Variants in KIF15 observed in about 807,000 individuals in gnomAD.
KIF15 encodes kinesin family member 15, also known as kinesin-like protein KIF15.
KIF15 carries 140 observed loss-of-function variants against 190.6 expected under a neutral mutation model. The observed-to-expected ratio is 0.73, with a 90% CI of 0.64 to 0.84. KIF15 has a LOEUF of 0.84. KIF15 is among the 40% of genes least tolerant of loss of function. The pLI is 0.00. For synonymous variants in KIF15, 528 were observed against 551.3 expected (o/e 0.96, Z 0.59); for missense variants, 1,372 against 1,584.4 (o/e 0.87, Z 2.28).
At chr3:44,856,471 C>T (rs1699189988), downstream of KIF15, among the ~76,000 whole-genome samples, 2 of 151,988 alleles carry the variant, frequency 1.3e-5, no homozygotes, top group African/African-American at 4.8e-5. Context: ...TATGAAATGA[C>T]GATAGAATAG....
intron 1 of KIF15, among the ~76,000 whole-genome samples, chr3:44,767,160 A>C (rs1705431199): frequency 1.3e-5 from 2 of 152,222 alleles, no homozygotes; most frequent in Middle Eastern, 3.4e-3. Flanking sequence ...GGGTCAGTGG[A>C]ATTCCTCATA....
chr3:44,823,060 C>A (rs1345937152), intron 20 of KIF15, among the ~76,000 whole-genome samples: 3 of 152,310 alleles, frequency 2.0e-5, no homozygotes, highest in African/African-American at 7.2e-5. Flanking sequence ...TGGTGAGGAG[C>A]TACAATCCTT....
In KIF15 at chr3:44,797,711, G is replaced by A. The variant is rs1255931373; in HGVS notation, c.975+35G>A. 6.2e-7 allele frequency: 1 copy of A among 1,610,274 alleles called. No individual in the cohort carries two copies. Among genetic ancestry groups the A allele is most frequent in the Non-Finnish European group, 8.5e-7 (1 of 1,177,976 alleles). On this transcript the variant is annotated intron_variant, in intron 9 of 34. Transcript: ENST00000326047. ...ATCCTTGGGTTCCTGGGCTCCTTTT[G>A]GTTATGCTAAAGTTGATAGTGGGAC...
intron 11 of KIF15, 141 bp downstream of exon 11, chr3:44,800,578 A>G: frequency 1.3e-6 from 1 of 770,994 alleles, no homozygotes; most frequent in Non-Finnish European, 2.1e-6. Context: ...CCTATATAGG[A>G]ACATAGTGGT....
At chr3:44,828,102 C>T (rs1355977276) in intron 23 of KIF15, 112 bp from the exon 24 acceptor site, 14 of 693,978 alleles carry the variant, frequency 2.0e-5, no homozygotes, top group East Asian at 5.5e-5. Context: ...TCAAGTATTA[C>T]TCCTAGCATA....
At position 44,820,265 on chromosome 3, in the gene KIF15, T is replaced by A. The variant is rs548073338; in HGVS notation, c.2549+5189T>A. Among the ~76,000 whole-genome samples, 540 of 152,262 alleles carry A rather than the reference T, an allele frequency of 3.5e-3. 1 individual carries two copies. The highest frequency in any genetic ancestry group is 0.013 in the African/African-American group (526 of 41,552). On this transcript the variant is annotated intron_variant, in intron 20 of 34. Coordinates refer to ENST00000326047, the MANE Select transcript of KIF15 (RefSeq NM_020242.3). ...CATTTAAGGTTAATATTGTTATGTGTGAATTTGATCCTGTCATTATGATGT... is the reference window on the plus strand; with the variant it reads ...CATTTAAGGTTAATATTGTTATGTGAGAATTTGATCCTGTCATTATGATGT...
chr3:44,777,118 C>T (rs1705927516), intron 3 of KIF15, among the ~76,000 whole-genome samples: 1 of 150,420 alleles, frequency 6.6e-6, no homozygotes, highest in African/African-American at 2.4e-5. Context: ...CTATGCTTGG[C>T]TAATTTTTTT....
rs1300180993 is a variant in KIF15 at position 44,797,580 on chromosome 3, C to T, written c.879C>T (p.Ser293=). ...KEAGNINRSL[S]CLGQVITALV... ...CAGGTAACATAAATCGATCATTGAG[C>T]TGCCTGGGCCAAGTGATTACAGCAC... The change falls in exon 9 of 35, where the codon AGC becomes AGT. Residue 293 remains serine, a synonymous_variant. Transcript: ENST00000326047. 2 of 1,614,056 alleles carry T rather than the reference C, an allele frequency of 1.2e-6. No homozygotes were observed. Among genetic ancestry groups the T allele is most frequent in the South Asian group, 2.2e-5 (2 of 91,074 alleles).
At chr3:44,768,528 C>G (rs1381778843) in intron 1 of KIF15, among the ~76,000 whole-genome samples, 1 of 148,642 alleles carries the variant, frequency 6.7e-6, no homozygotes, top group Non-Finnish European at 1.5e-5. Flanking sequence ...TCTCCCAGGG[C>G]GCATGTGGGC....
Position 44,826,416 on chromosome 3 carries a change from C to A in KIF15, c.2742C>A (p.Asn914Lys). ...ELLEAEKERN[N>K]KLSLQFEEDK... ...TTGAGGCAGAAAAAGAACGCAATAA[C>A]AAATTATCATTACAGTTTGAAGAAG... Residue 914 changes from asparagine (N) to lysine (K), a missense_variant, in exon 22 of 35, where the codon AAC becomes AAA. Asn to Lys is a moderately conservative substitution (Grantham distance 94, BLOSUM62 0). Coordinates refer to ENST00000326047, the MANE Select transcript of KIF15 (RefSeq NM_020242.3). The A allele has an allele frequency of 3.1e-6, 5 of 1,612,982 alleles. No individual in the cohort carries two copies. Among genetic ancestry groups the A allele is most frequent in the Non-Finnish European group, 4.2e-6 (5 of 1,179,470 alleles).
At chr3:44,762,094 A>G (rs1056806868) in intron 1 of KIF15, among the ~76,000 whole-genome samples, 21 of 152,200 alleles carry the variant, frequency 1.4e-4, no homozygotes, top group Admixed American at 1.4e-3. Flanking sequence ...TCCTGTGCGC[A>G]TGCCAGGAGT....
At chr3:44,861,964 G>A in intron 6 of KIF15, 1 of 1,399,812 alleles carries the variant, frequency 7.1e-7, no homozygotes, top group South Asian at 1.6e-5. Context: ...CGCCGTGTCC[G>A]CGACCGCGTA....
rs1055575064 is a variant in KIF15 at position 44,805,116 on chromosome 3, A to G, written c.1777A>G (p.Thr593Ala). ...AAAAGCACAACTCCTGCAAATTCAG[A>G]CAGAGCTGAATAATTCAAAGCAAGA... ...KLKAQLLQIQ[T>A]ELNNSKQEYE... The change falls in exon 15 of 35, where the codon ACA becomes GCA. Residue 593 changes from threonine (T) to alanine (A), a missense_variant. Thr to Ala is a moderately conservative substitution (Grantham distance 58). Transcript: ENST00000326047. 5 of 1,613,758 alleles carry G rather than the reference A, an allele frequency of 3.1e-6. No homozygotes were observed. Among genetic ancestry groups the G allele is most frequent in the Non-Finnish European group, 4.2e-6 (5 of 1,179,728 alleles).
chr3:44,830,217 G>A, intron 25 of KIF15, 142 bp downstream of exon 25: 2 of 447,020 alleles, frequency 4.5e-6, no homozygotes, highest in South Asian at 5.7e-5. Context: ...AGCTCAACAG[G>A]TTTGTGTGTT....
intron 6 of KIF15, 25 bp from the exon 7 acceptor site, chr3:44,786,370 T>C (rs747744412): frequency 1.9e-6 from 3 of 1,581,302 alleles, no homozygotes; most frequent in Non-Finnish European, 2.6e-6. Flanking sequence ...AAATAATGTA[T>C]CTAAATGAGG....
chr3:44,783,313 A>G (rs1706252610), intron 5 of KIF15, among the ~76,000 whole-genome samples: 1 of 152,186 alleles, frequency 6.6e-6, no homozygotes, highest in South Asian at 2.1e-4. Context: ...GGCAGAAGAC[A>G]AAGGGGAATG....
At chr3:44,837,939 C>G (rs748602235) in intron 26 of KIF15, among the ~76,000 whole-genome samples, 3 of 152,132 alleles carry the variant, frequency 2.0e-5, no homozygotes, top group Non-Finnish European at 4.4e-5. Flanking sequence ...GAGACAACAA[C>G]AAGTAACCAA....
chr3:44,786,337 G>A, intron 6 of KIF15, 58 bp from the exon 7 acceptor site: 2 of 1,411,218 alleles, frequency 1.4e-6, no homozygotes, highest in Non-Finnish European at 1.9e-6. Context: ...TAATGCTCAT[G>A]AAAACTAGGT....
chr3:44,783,039 G>A (rs1269283533), intron 5 of KIF15, among the ~76,000 whole-genome samples: 1 of 152,152 alleles, frequency 6.6e-6, no homozygotes, highest in Non-Finnish European at 1.5e-5. Flanking sequence ...GATTACTCAG[G>A]CAGCTAAATG....
Sources: gnomAD v4.1 joint callset for allele counts (sites outside exome capture counted in the v4.1 genomes callset) on GRCh38, gnomAD v4.1.1 for gene constraint, MANE v1.5 for transcripts, NCBI Gene and HGNC (gene_info 2026-07-23, HGNC 2026-07-21) for gene names.